The following EIF4G3 variants were observed in gnomAD, a reference collection of about 807,000 sequenced individuals.
EIF4G3 encodes the protein eIF-4-gamma 3.
A neutral mutation model predicts 186.4 loss-of-function variants in EIF4G3; 34 were observed. The observed-to-expected ratio is 0.18, with a 90% confidence interval of 0.14 to 0.24. The LOEUF (loss-of-function observed/expected upper bound fraction) is 0.24, where lower values mean the gene tolerates loss of function less well. EIF4G3 is among the 10% of genes least tolerant of loss of function. EIF4G3 has a pLI of 1.00. For synonymous variants in EIF4G3, 673 were observed against 679.5 expected (o/e 0.99, Z 0.15); for missense variants, 1,536 against 1,948.5 (o/e 0.79, Z 3.99).
intron 14 of EIF4G3, among the ~76,000 whole-genome samples, chr1:20,934,873 C>G (rs2095468682): frequency 6.6e-6 from 1 of 152,170 alleles, no homozygotes; most frequent in African/African-American, 2.4e-5. Context: ...GCCTATGACT[C>G]TGATCATATT....
At chr1:20,998,872 AT>A (rs2082881142) in intron 6 of EIF4G3, 4 of 419,136 alleles carry the variant, frequency 9.5e-6, no homozygotes, top group Admixed American at 5.3e-5. Flanking sequence ...AGGAGCAAAA[AT>A]ATATGTCTTT....
intron 2 of EIF4G3, among the ~76,000 whole-genome samples, chr1:21,134,480 C>A (rs2097204251): frequency 2.0e-5 from 3 of 152,050 alleles, no homozygotes; most frequent in Non-Finnish European, 4.4e-5. Flanking sequence ...ACCAGCCTAG[C>A]CAACATGGTG....
chr1:20,937,912 CTG>C (rs2095569776), intron 14 of EIF4G3, among the ~76,000 whole-genome samples: 1 of 152,070 alleles, frequency 6.6e-6, no homozygotes, highest in Non-Finnish European at 1.5e-5. Flanking sequence ...TGGCCAATAA[CTG>C]AGGCTTTTCA....
intron 3 of EIF4G3, among the ~76,000 whole-genome samples, chr1:21,061,753 T>C (rs2094928977): frequency 6.6e-6 from 1 of 150,540 alleles, no homozygotes; most frequent in East Asian, 1.9e-4. Flanking sequence ...TTTTTTTTTT[T>C]TTTTTCTTTT....
chr1:20,807,642 C>T (rs1224293458), intron 36 of EIF4G3, 142 bp from the exon 37 acceptor site: 2 of 646,758 alleles, frequency 3.1e-6, no homozygotes, highest in African/African-American at 3.7e-5. Context: ...ACCATACTTG[C>T]TCTTGACAGT....
At chr1:20,865,054 T>A in intron 21 of EIF4G3, 62 bp downstream of exon 21, 3 of 1,586,526 alleles carry the variant, frequency 1.9e-6, no homozygotes, top group Non-Finnish European at 1.7e-6. Flanking sequence ...TCTAGCTTCC[T>A]GAAATTTCTA....
At chr1:20,854,881 C>T in intron 26 of EIF4G3, 97 bp downstream of exon 26, 1 of 1,025,246 alleles carries the variant, frequency 9.8e-7, no homozygotes, top group Non-Finnish European at 1.5e-6. Flanking sequence ...GTCTACACAT[C>T]TTTCCCAAAA....
intron 32 of EIF4G3, among the ~76,000 whole-genome samples, chr1:20,827,044 A>G (rs1042225838): frequency 1.3e-5 from 2 of 152,136 alleles, no homozygotes; most frequent in African/African-American, 4.8e-5. Flanking sequence ...TCTATCATCC[A>G]ATATCTTTGA....
chr1:20,913,800 ATTTTTTT>A (rs68098768), intron 14 of EIF4G3, among the ~76,000 whole-genome samples: 3 of 75,658 alleles, frequency 4.0e-5, no homozygotes, highest in African/African-American at 1.0e-4. Context: ...AATTATTAGA[ATTTTTTT>A]TTTTTTTTTT....
chr1:20,820,804 A>C (rs1484971377), intron 33 of EIF4G3, among the ~76,000 whole-genome samples: 1 of 151,994 alleles, frequency 6.6e-6, no homozygotes, highest in South Asian at 2.1e-4. Context: ...TGCAGAGATG[A>C]CCTGCCAGGA....
intron 7 of EIF4G3, among the ~76,000 whole-genome samples, chr1:20,986,728 G>A (rs1378598566): frequency 1.8e-5 from 2 of 113,378 alleles, no homozygotes; most frequent in Admixed American, 1.3e-4. Flanking sequence ...CAGCCTGGGC[G>A]ACAGAGCTCT....
intron 10 of EIF4G3, among the ~76,000 whole-genome samples, chr1:20,979,662 T>C (rs1260379320): frequency 2.0e-5 from 3 of 152,160 alleles, no homozygotes; most frequent in African/African-American, 7.2e-5. Flanking sequence ...TTCTTTCCAG[T>C]AGAATTATCA....
intron 30 of EIF4G3, among the ~76,000 whole-genome samples, chr1:20,830,923 G>T (rs1178619481): frequency 1.3e-5 from 2 of 152,104 alleles, no homozygotes; most frequent in Non-Finnish European, 2.9e-5. Flanking sequence ...TCTTGAGTGT[G>T]CTGAAGCACC....
chr1:21,060,971 T>C (rs1457741585), intron 3 of EIF4G3, among the ~76,000 whole-genome samples: 8 of 152,114 alleles, frequency 5.3e-5, no homozygotes, highest in Admixed American at 5.2e-4. Context: ...TTGTACTAGG[T>C]GCATGGAATA....
Position 20,948,163 on chromosome 1 carries a change from G to A in EIF4G3, c.823+1840C>T, listed in dbSNP as rs186016227. 3.2e-4 allele frequency among the ~76,000 whole-genome samples: 49 copies of A among 152,236 alleles called. No individual in the cohort carries two copies. In the East Asian group the frequency reaches 3.5e-3, roughly 11 times the overall value. On this transcript the variant is annotated intron_variant, in intron 13 of 36. Transcript: ENST00000602326. ...ACCAGCAAAAAGATTACACATTTGC[G>A]AAAGTGCAATGAAGTTTTGAAGGGA... is the stretch of plus-strand genomic sequence containing the variant.
rs1295988677 is a variant in EIF4G3, at chr1:20,940,570, C to T, written c.1663+921G>A. Reference sequence around the variant, plus strand: ...GATGATGGTGACCAAAACCTATTCACTGCATGTCAAGGATCAACTGCTGGA... The same window carrying T: ...GATGATGGTGACCAAAACCTATTCATTGCATGTCAAGGATCAACTGCTGGA... On this transcript the variant is annotated intron_variant, in intron 14 of 36. Transcript: ENST00000602326. 2.0e-5 allele frequency among the ~76,000 whole-genome samples: 3 copies of T among 152,278 alleles called. No homozygotes were observed. In the South Asian group the frequency reaches 6.2e-4, roughly 32 times the overall value.
intron 16 of EIF4G3, 26 bp from the exon 17 acceptor site, chr1:20,895,527 C>T: frequency 6.2e-7 from 1 of 1,611,472 alleles, no homozygotes. Context: ...TAGGCAGACA[C>T]TGTTTGTAGG....
chr1:21,172,967 C>T (rs1394877607), intron 2 of EIF4G3, among the ~76,000 whole-genome samples: 3 of 150,292 alleles, frequency 2.0e-5, no homozygotes, highest in Non-Finnish European at 1.5e-5. Context: ...AGTGAAACCC[C>T]GTCTCTACTA....
intron 7 of EIF4G3, among the ~76,000 whole-genome samples, chr1:20,996,236 G>C (rs1053432839): frequency 2.6e-5 from 4 of 152,098 alleles, no homozygotes; most frequent in Non-Finnish European, 1.5e-5. Flanking sequence ...CCGTTTTACA[G>C]GTGAGAAAAC....
Sources: gnomAD v4.1 joint callset for allele counts (sites outside exome capture counted in the v4.1 genomes callset) on GRCh38, gnomAD v4.1.1 for gene constraint, MANE v1.5 for transcripts, NCBI Gene and HGNC (gene_info 2026-07-23, HGNC 2026-07-21) for gene names.